The following TMTC4 variants were observed in gnomAD, a reference collection of about 807,000 sequenced individuals.
The protein encoded by TMTC4 is transmembrane O-mannosyltransferase targeting cadherins 4, also known as protein O-mannosyl-transferase TMTC4.
TMTC4 carries 65 observed loss-of-function variants against 86.0 expected under a neutral mutation model. That is an observed-to-expected ratio of 0.76 (90% CI 0.62 to 0.93). The LOEUF is 0.93. TMTC4 is among the 40% of genes least tolerant of loss of function. The probability of loss-of-function intolerance (pLI) is 0.00; values close to 1 mark genes in which losing one functional copy is unlikely to be tolerated. For synonymous variants in TMTC4, 379 were observed against 382.5 expected, an observed-to-expected ratio of 0.99 and a Z score of 0.11; for missense variants, 866 against 948.1, an observed-to-expected ratio of 0.91 and a Z score of 1.14.
intron 6 of TMTC4, among the ~76,000 whole-genome samples, chr13:100,644,648 G>GT (rs1566613474): frequency 1.3e-5 from 2 of 152,236 alleles, no homozygotes; most frequent in Non-Finnish European, 2.9e-5. Context: ...GAATCTCTGC[G>GT]TATCAAATTT....
In TMTC4 at chr13:100,672,183, C is replaced by T. The variant is rs1048696764; in HGVS notation, c.-207-1614G>A. Among the ~76,000 whole-genome samples, 6 of 152,320 alleles carry T rather than the reference C, an allele frequency of 3.9e-5. No homozygotes were observed. The South Asian group carries it at 6.2e-4, about 16-fold the overall frequency. On this transcript the variant is annotated intron_variant, in intron 1 of 18. Coordinates refer to ENST00000342624, the MANE Select transcript of TMTC4 (RefSeq NM_032813.5). ...CCAGTCCCTGACTGCCTGTCTCGGG[C>T]GCACCCATGTTGCCAGTGTTTATTC...
At chr13:100,634,668 C>A in intron 12 of TMTC4, 137 bp downstream of exon 12, 3 of 1,079,046 alleles carry the variant, frequency 2.8e-6, no homozygotes, top group Non-Finnish European at 2.5e-6. Flanking sequence ...AAAAACCATA[C>A]ATAACAAAGA....
chr13:100,608,525 G>T (rs1877022644), intron 17 of TMTC4, among the ~76,000 whole-genome samples: 1 of 152,202 alleles, frequency 6.6e-6, no homozygotes, highest in Non-Finnish European at 1.5e-5. Context: ...GGTGTGGGTG[G>T]GTCGGCCTGG....
At position 100,674,663 on chromosome 13, in the gene TMTC4, G is replaced by A. The variant is rs889587295; in HGVS notation, c.-208+81C>T. 23 of 982,754 alleles carry A rather than the reference G, an allele frequency of 2.3e-5. No homozygotes were observed. In the East Asian group the frequency reaches 5.8e-4, roughly 25 times the overall value. The allele number at this position is 982,754 out of a possible 1,614,324, so 60.9% of individuals were successfully genotyped here. ...GCGGGGCTCGGGACACGGCGGCAGCGGGGAACCCGCGCCCGCTCCGCGTCC... is the reference window on the plus strand; with the variant it reads ...GCGGGGCTCGGGACACGGCGGCAGCAGGGAACCCGCGCCCGCTCCGCGTCC... On this transcript the variant is annotated intron_variant, in intron 1 of 18. Transcript: ENST00000342624.
At position 100,607,898 on chromosome 13, in the gene TMTC4, C is replaced by T. The variant is rs562766803; in HGVS notation, c.2065-1471G>A. 2.0e-5 allele frequency among the ~76,000 whole-genome samples: 3 copies of T among 152,162 alleles called. No individual in the cohort carries two copies. The South Asian group carries it at 6.2e-4, about 31-fold the overall frequency. ...ATTCCGAGTTTCAGGGGCTGAAACTCCTTCCAAGAGGGTCAAGACTCCGGC... is the reference window on the plus strand; with the variant it reads ...ATTCCGAGTTTCAGGGGCTGAAACTTCTTCCAAGAGGGTCAAGACTCCGGC... On this transcript the variant is annotated intron_variant, in intron 17 of 18. Transcript: ENST00000342624.
At chr13:100,641,573 C>T (rs925825306) in intron 7 of TMTC4, among the ~76,000 whole-genome samples, 4 of 152,084 alleles carry the variant, frequency 2.6e-5, no homozygotes, top group Non-Finnish European at 5.9e-5. Flanking sequence ...CCGCCACCTC[C>T]GCCTCCTGGG....
chr13:100,606,592 G>A (rs892317750), intron 17 of TMTC4, among the ~76,000 whole-genome samples, 165 bp from the exon 18 acceptor site: 1 of 152,230 alleles, frequency 6.6e-6, no homozygotes, highest in African/African-American at 2.4e-5. Context: ...CTCTGCCAAA[G>A]AGAGGCTGAC....
chr13:100,659,824 C>T (rs1220920615), intron 5 of TMTC4, among the ~76,000 whole-genome samples: 1 of 149,204 alleles, frequency 6.7e-6, no homozygotes, highest in African/African-American at 2.5e-5. Context: ...TGTGAGGTGC[C>T]CAAGTCATCC....
intron 7 of TMTC4, among the ~76,000 whole-genome samples, chr13:100,640,477 A>G (rs1289449903): frequency 6.6e-6 from 1 of 152,132 alleles, no homozygotes; most frequent in Non-Finnish European, 1.5e-5. Flanking sequence ...ATAAAACACT[A>G]ATTTTTGCCT....
intron 12 of TMTC4, among the ~76,000 whole-genome samples, chr13:100,628,306 TG>T (rs1242736413): frequency 6.6e-6 from 1 of 152,242 alleles, no homozygotes; most frequent in African/African-American, 2.4e-5. Context: ...TTTGTCCATT[TG>T]TGTCACATGT....
chr13:100,605,041 C>G lies in TMTC4; in HGVS notation c.2236G>C (p.Gly746Arg). 1 of 1,614,012 alleles carries G rather than the reference C, an allele frequency of 6.2e-7. No homozygotes were observed. Among genetic ancestry groups the G allele is most frequent in the South Asian group, 1.1e-5 (1 of 91,066 alleles). ...PTASGTKENY[G>R]LLRRKLELMQ... ...AGTTCTAGCTTTCTTCTCAGCAGAC[C>G]GTAATTCTCCTTAGTTCCTGATGCC... Residue 746 changes from glycine to arginine, a missense_variant, in exon 19 of 19, where the codon GGT (glycine) becomes CGT (arginine). Transcript: ENST00000342624. The surrounding 1 kb of genome is among the most constrained non-coding windows in gnomAD (Gnocchi z 4.3).
intron 16 of TMTC4, among the ~76,000 whole-genome samples, chr13:100,613,854 T>C (rs909346397): frequency 7.5e-6 from 1 of 133,330 alleles, no homozygotes; most frequent in African/African-American, 2.7e-5. Flanking sequence ...CCCCTTTTTT[T>C]TTGAGATGGC....
At chr13:100,632,433 G>T (rs1206736765) in intron 12 of TMTC4, among the ~76,000 whole-genome samples, 5 of 152,092 alleles carry the variant, frequency 3.3e-5, no homozygotes, top group Non-Finnish European at 5.9e-5. Context: ...AACTCCTTGT[G>T]GTGAGGAACT....
In TMTC4 at chr13:100,618,431, C is replaced by T. The variant is rs538956839; in HGVS notation, c.1837-4001G>A. On this transcript the variant is annotated intron_variant, in intron 15 of 18. Transcript: ENST00000342624. ...CTGGTTCCATTTCTCAAGGGGAATGCTTCCAGATTTTTGTTGCTTCTTGTT... is the reference window on the plus strand; with the variant it reads ...CTGGTTCCATTTCTCAAGGGGAATGTTTCCAGATTTTTGTTGCTTCTTGTT... Among the ~76,000 whole-genome samples the T allele has an allele frequency of 4.8e-5, 7 of 147,074 alleles. No individual in the cohort carries two copies. The South Asian group carries it at 1.6e-3, about 33-fold the overall frequency.
intron 12 of TMTC4, among the ~76,000 whole-genome samples, chr13:100,630,696 T>C (rs908392441): frequency 6.6e-6 from 1 of 152,180 alleles, no homozygotes; most frequent in South Asian, 2.1e-4. Flanking sequence ...GACGCCCGCC[T>C]CTTCCGCCCC....
intron 4 of TMTC4, 42 bp downstream of exon 4, chr13:100,664,179 G>T: frequency 6.6e-7 from 1 of 1,523,146 alleles, no homozygotes; most frequent in Non-Finnish European, 8.9e-7. Flanking sequence ...TCACACACAA[G>T]CTGGGAGGGA....
intron 1 of TMTC4, among the ~76,000 whole-genome samples, chr13:100,672,473 G>A (rs551243968): frequency 3.5e-4 from 53 of 152,258 alleles, no homozygotes; most frequent in African/African-American, 1.1e-3. Flanking sequence ...GCAGAGACGG[G>A]GGACCACCCT....
chr13:100,661,717 T>A, intron 5 of TMTC4, among the ~76,000 whole-genome samples: 1 of 152,312 alleles, frequency 6.6e-6, no homozygotes, highest in African/African-American at 2.4e-5. Flanking sequence ...GAGGGTGTGA[T>A]AACAACTCCA....
At chr13:100,615,054 C>A (rs960040668) in intron 15 of TMTC4, 11 of 471,650 alleles carry the variant, frequency 2.3e-5, no homozygotes, top group Non-Finnish European at 3.0e-5. Context: ...AACCTCTTGG[C>A]AATTTTGAGT....
Sources: gnomAD v4.1 joint callset for allele counts (sites outside exome capture counted in the v4.1 genomes callset) on GRCh38, gnomAD v4.1.1 for gene constraint, Gnocchi (gnomAD v3.1) non-coding constraint, MANE v1.5 for transcripts, NCBI Gene and HGNC (gene_info 2026-07-23, HGNC 2026-07-21) for gene names.